The following MCC variants were observed in gnomAD, a reference collection of about 807,000 sequenced individuals.
The protein encoded by MCC is MCC regulator of Wnt signaling pathway, also known as colorectal mutant cancer protein.
Under a neutral mutation model 116.2 loss-of-function variants are expected in MCC, and 90 were observed. The observed-to-expected ratio is 0.77, with a 90% CI of 0.65 to 0.92. The LOEUF (loss-of-function observed/expected upper bound fraction) is 0.92. Ranked by LOEUF, MCC falls within the 40% of genes least tolerant of loss-of-function variation. The pLI, the probability that MCC is intolerant of heterozygous loss-of-function variation, is 0.00. For synonymous variants in MCC, 578 were observed against 510.5 expected (o/e 1.13, Z -1.78); for missense variants, 1,516 against 1,312.2 (o/e 1.16, Z -2.40).
intron 3 of MCC, among the ~76,000 whole-genome samples, chr5:113,184,176 C>T (rs1410292317): frequency 6.6e-6 from 1 of 152,054 alleles, no homozygotes; most frequent in East Asian, 1.9e-4. Context: ...TTTGTTGAGA[C>T]GGATTTGGAT....
At chr5:113,321,082 G>A (rs1356623681) in intron 3 of MCC, among the ~76,000 whole-genome samples, 4 of 152,150 alleles carry the variant, frequency 2.6e-5, no homozygotes, top group African/African-American at 9.7e-5. Flanking sequence ...TGCTGTTTTA[G>A]TGAAATATCC....
chr5:113,070,615 G>C (rs562034806), intron 12 of MCC, among the ~76,000 whole-genome samples: 1 of 152,114 alleles, frequency 6.6e-6, no homozygotes, highest in Non-Finnish European at 1.5e-5. Flanking sequence ...ATTCATCATA[G>C]AATTATTTTT....
At chr5:113,273,081 A>C (rs895671836) in intron 3 of MCC, among the ~76,000 whole-genome samples, 8 of 152,254 alleles carry the variant, frequency 5.3e-5, no homozygotes, top group Non-Finnish European at 1.0e-4. Context: ...GAGAACTATT[A>C]GTTCAATAAT....
chr5:113,080,816 A>AAC (rs1222595959), intron 11 of MCC, among the ~76,000 whole-genome samples: 11 of 114,898 alleles, frequency 9.6e-5, no homozygotes, highest in African/African-American at 3.4e-4. Context: ...CAACAACAAC[A>AAC]AAAAAAAAAA....
At chr5:113,296,485 CTGT>C (rs1228589455) in intron 3 of MCC, among the ~76,000 whole-genome samples, 3 of 152,156 alleles carry the variant, frequency 2.0e-5, no homozygotes, top group Non-Finnish European at 4.4e-5. Context: ...GTGAGTTGAC[CTGT>C]GAAGAATGGC....
chr5:113,379,646 C>T (rs2150391702), intron 2 of MCC, among the ~76,000 whole-genome samples: 1 of 152,192 alleles, frequency 6.6e-6, no homozygotes, highest in South Asian at 2.1e-4. Context: ...TGTATTATTG[C>T]TACAAGTATT....
At chr5:113,441,761 T>C (rs1184232064) in intron 1 of MCC, among the ~76,000 whole-genome samples, 3 of 152,222 alleles carry the variant, frequency 2.0e-5, no homozygotes, top group African/African-American at 7.2e-5. Flanking sequence ...AGCTTGGTTT[T>C]CTGTTCTTGT....
intron 1 of MCC, among the ~76,000 whole-genome samples, chr5:113,460,923 T>G (rs1771725514): frequency 1.3e-5 from 2 of 152,254 alleles, no homozygotes; most frequent in Admixed American, 6.5e-5. Flanking sequence ...TGAGAAGTAC[T>G]GGTTTATGGC....
chr5:113,406,303 T>G (rs891505321), intron 1 of MCC, among the ~76,000 whole-genome samples: 2 of 152,188 alleles, frequency 1.3e-5, no homozygotes, highest in African/African-American at 2.4e-5. Flanking sequence ...GGAAAGACAT[T>G]GCTAGCTTAA....
chr5:113,488,189 G>A (rs1274584015), intron 1 of MCC, 56 bp downstream of exon 1: 4 of 1,550,930 alleles, frequency 2.6e-6, no homozygotes, highest in African/African-American at 1.4e-5. Flanking sequence ...AGGGGTCAAG[G>A]GCGCGCGGAG....
At chr5:113,227,350 A>C (rs979466557) in intron 3 of MCC, among the ~76,000 whole-genome samples, 5 of 152,190 alleles carry the variant, frequency 3.3e-5, no homozygotes, top group Non-Finnish European at 7.4e-5. Context: ...CTGCCAAATA[A>C]TCTGGTGTTA....
chr5:113,477,382 T>A (rs562813141), intron 1 of MCC, among the ~76,000 whole-genome samples: 1 of 152,304 alleles, frequency 6.6e-6, no homozygotes, highest in Non-Finnish European at 1.5e-5. Context: ...AAGGTCATAA[T>A]CATAGGTCAC....
At chr5:113,041,086 G>A (rs1020976436) in intron 17 of MCC, among the ~76,000 whole-genome samples, 2 of 152,186 alleles carry the variant, frequency 1.3e-5, no homozygotes, top group African/African-American at 2.4e-5. Context: ...CCCAAGCAGA[G>A]CAACTGCCAT....
intron 3 of MCC, among the ~76,000 whole-genome samples, chr5:113,278,678 A>G (rs1765921355): frequency 6.6e-6 from 1 of 152,176 alleles, no homozygotes; most frequent in African/African-American, 2.4e-5. Flanking sequence ...AAGGTGCTGA[A>G]ATCAGCGGTG....
chr5:113,398,497 C>A (rs1389446120), intron 1 of MCC, among the ~76,000 whole-genome samples: 1 of 152,166 alleles, frequency 6.6e-6, no homozygotes, highest in East Asian at 1.9e-4. Context: ...ACCATGCAGC[C>A]ATAAAACAGA....
At chr5:113,170,552 C>T (rs1226912857) in intron 3 of MCC, among the ~76,000 whole-genome samples, 1 of 151,976 alleles carries the variant, frequency 6.6e-6, no homozygotes, top group Non-Finnish European at 1.5e-5. Context: ...TTACTCTACC[C>T]ACTTCCTAGG....
intron 1 of MCC, among the ~76,000 whole-genome samples, chr5:113,485,563 T>C (rs552539634): frequency 2.0e-5 from 3 of 149,792 alleles, no homozygotes; most frequent in Non-Finnish European, 2.9e-5. Flanking sequence ...CTTTTACATC[T>C]TCTTCCCTAG....
intron 3 of MCC, among the ~76,000 whole-genome samples, chr5:113,236,096 G>A (rs1241768595): frequency 6.6e-6 from 1 of 152,170 alleles, no homozygotes; most frequent in African/African-American, 2.4e-5. Flanking sequence ...AGGTAAAAAT[G>A]CTGGCTGCAA....
At chr5:113,230,256 A>T (rs80168898) in intron 3 of MCC, among the ~76,000 whole-genome samples, 1,544 of 152,334 alleles carry the variant, frequency 0.01, 25 homozygotes, top group African/African-American at 0.035. Context: ...TTCATTAAGA[A>T]TTCAATTTGA....
Sources: gnomAD v4.1 joint callset for allele counts (sites outside exome capture counted in the v4.1 genomes callset) on GRCh38, gnomAD v4.1.1 for gene constraint, MANE v1.5 for transcripts, NCBI Gene and HGNC (gene_info 2026-07-23, HGNC 2026-07-21) for gene names.